The following PARD3B variants were observed in gnomAD, a reference collection of about 807,000 sequenced individuals.
PARD3B encodes par-3 family cell polarity regulator beta.
A neutral mutation model predicts 130.2 loss-of-function variants in PARD3B; 103 were observed. The observed-to-expected ratio is 0.79, with a 90% confidence interval of 0.67 to 0.93. The LOEUF (loss-of-function observed/expected upper bound fraction) is 0.93, where lower values mean the gene tolerates loss of function less well. Among genes scored for constraint, PARD3B ranks in the 40% least tolerant of loss-of-function variants. PARD3B has a pLI of 0.00. For missense variants in PARD3B, 1,609 were observed against 1,499.2 expected (o/e 1.07, Z -1.21); for synonymous variants, 583 against 553.2 (o/e 1.05, Z -0.76).
In PARD3B at chr2:205,276,496, A is replaced by T. The variant is rs1029641288; in HGVS notation, c.2186-24034A>T. Among the ~76,000 whole-genome samples, 6 of 152,202 alleles carry T rather than the reference A, an allele frequency of 3.9e-5. No homozygotes were observed. Among genetic ancestry groups the T allele is most frequent in the African/African-American group, 1.4e-4 (6 of 41,452 alleles). ...TCTGAAAGAATTTAAAAGAAGACAAAGGAGTTGCAGGGAGAAGCAGGTTGG... is the reference window on the plus strand; with the variant it reads ...TCTGAAAGAATTTAAAAGAAGACAATGGAGTTGCAGGGAGAAGCAGGTTGG... On this transcript the variant is annotated intron_variant, in intron 16 of 22. Coordinates refer to ENST00000406610, the MANE Select transcript of PARD3B (RefSeq NM_001302769.2). This position sits in a 1 kb window ranked among gnomAD's most constrained non-coding sequence, Gnocchi z 5.0.
chr2:205,170,218 C>T (rs2035076819), intron 11 of PARD3B, among the ~76,000 whole-genome samples: 2 of 152,212 alleles, frequency 1.3e-5, no homozygotes, highest in African/African-American at 2.4e-5. Flanking sequence ...GTGTGAGCCA[C>T]CGTGCCCAGC....
At chr2:205,474,557 C>G (rs1196068429) in intron 20 of PARD3B, among the ~76,000 whole-genome samples, 1 of 152,112 alleles carries the variant, frequency 6.6e-6, no homozygotes, top group South Asian at 2.1e-4. Context: ...TAACCTTTCC[C>G]TTAATGATGG....
intron 18 of PARD3B, among the ~76,000 whole-genome samples, chr2:205,303,969 T>A (rs2042101613): frequency 6.6e-6 from 1 of 152,192 alleles, no homozygotes. Context: ...TGATGGGAGA[T>A]GATGGTTTAG....
chr2:204,733,579 A>T (rs1278942711), intron 2 of PARD3B, among the ~76,000 whole-genome samples: 1 of 151,944 alleles, frequency 6.6e-6, no homozygotes, highest in African/African-American at 2.4e-5. Flanking sequence ...CTAGAATAGT[A>T]AAAACATTTC....
intron 15 of PARD3B, among the ~76,000 whole-genome samples, chr2:205,198,917 A>T (rs1215861967): frequency 6.6e-6 from 1 of 152,000 alleles, no homozygotes; most frequent in Non-Finnish European, 1.5e-5. Context: ...AATAAGTAGT[A>T]CCTCTGAATA....
intron 2 of PARD3B, among the ~76,000 whole-genome samples, chr2:204,923,986 A>G (rs2047783459): frequency 6.6e-6 from 1 of 152,098 alleles, no homozygotes; most frequent in Admixed American, 6.6e-5. Flanking sequence ...CCTTAGTGAT[A>G]TAGTATTTGA....
At chr2:204,794,042 A>G (rs1386445231) in intron 2 of PARD3B, among the ~76,000 whole-genome samples, 1 of 152,136 alleles carries the variant, frequency 6.6e-6, no homozygotes, top group African/African-American at 2.4e-5. Flanking sequence ...AAAGGAATTT[A>G]TTTGATGCGA....
intron 20 of PARD3B, among the ~76,000 whole-genome samples, chr2:205,464,688 C>G (rs2048562987): frequency 6.6e-6 from 1 of 152,122 alleles, no homozygotes; most frequent in Non-Finnish European, 1.5e-5. Flanking sequence ...TATGGTAGTT[C>G]ATTCAGTTCA....
rs139828750 is a variant in PARD3B at position 205,083,212 on chromosome 2, C to T, written c.505-21214C>T. 1.3e-4 allele frequency among the ~76,000 whole-genome samples: 20 copies of T among 152,062 alleles called. No individual in the cohort carries two copies. In the East Asian group the frequency reaches 3.5e-3, roughly 26 times the overall value. Reference sequence around the variant, plus strand: ...GGGATTACAAGCGTGAGCTACTGTGCCCAGCCAAAATACATCAATTTTTTT... The same window carrying T: ...GGGATTACAAGCGTGAGCTACTGTGTCCAGCCAAAATACATCAATTTTTTT... On this transcript the variant is annotated intron_variant, in intron 4 of 22. Transcript: ENST00000406610.
intron 4 of PARD3B, among the ~76,000 whole-genome samples, chr2:205,073,957 C>T (rs1461235866): frequency 6.6e-6 from 1 of 152,144 alleles, no homozygotes; most frequent in African/African-American, 2.4e-5. Flanking sequence ...ACACATATTC[C>T]TCTTTATCTT....
At chr2:205,213,652 T>G (rs2037762926) in intron 15 of PARD3B, among the ~76,000 whole-genome samples, 1 of 152,126 alleles carries the variant, frequency 6.6e-6, no homozygotes. Context: ...ATTAATGGTT[T>G]GTTTGAGTAG....
chr2:204,803,046 G>T (rs2042629362), intron 2 of PARD3B, among the ~76,000 whole-genome samples: 1 of 147,430 alleles, frequency 6.8e-6, no homozygotes, highest in Non-Finnish European at 1.5e-5. Flanking sequence ...AGAAATGAAA[G>T]AAAATGCAGT....
chr2:204,563,217 G>GTCTGTCTGTCTCTCTCTCTCTC (rs1553541986), intron 1 of PARD3B, among the ~76,000 whole-genome samples: 1 of 86,598 alleles, frequency 1.2e-5, no homozygotes, highest in African/African-American at 4.5e-5. Context: ...TCTTCCCGCT[G>GTCTGTCTGTCTCTCTCTCTCTC]TCTCTCTCTC....
At chr2:205,365,320 A>G (rs2541160) in intron 18 of PARD3B, among the ~76,000 whole-genome samples, 120,684 of 151,306 alleles carry the variant, frequency 0.8, 48,991 homozygotes, top group Admixed American at 0.89. Flanking sequence ...TCAGTGAGCC[A>G]AGATTGCCCA....
chr2:204,698,867 G>A (rs1035831565), intron 2 of PARD3B, among the ~76,000 whole-genome samples: 7 of 151,822 alleles, frequency 4.6e-5, no homozygotes, highest in African/African-American at 1.2e-4. Flanking sequence ...TCAAAATGTC[G>A]CTTCAACTGG....
chr2:205,247,638 TTAAGTGCTATTATAACGTTATTAC>T (rs1463367371), intron 16 of PARD3B, among the ~76,000 whole-genome samples: 32 of 152,346 alleles, frequency 2.1e-4, no homozygotes, highest in African/African-American at 7.0e-4. Flanking sequence ...TTTTATATTT[TTAAGTGCTATTATAACGTTATTAC>T]TACTTCACGT....
chr2:204,944,678 A>G (rs1035684533), intron 2 of PARD3B, among the ~76,000 whole-genome samples: 1 of 152,242 alleles, frequency 6.6e-6, no homozygotes, highest in Admixed American at 6.5e-5. Flanking sequence ...TTAACTTAAA[A>G]ATAGTGAGTT....
In PARD3B at chr2:204,614,176, A is replaced by C. The variant is rs185568066; in HGVS notation, c.120+68057A>C. 3.7e-3 allele frequency among the ~76,000 whole-genome samples: 566 copies of C among 152,304 alleles called. 3 individuals carry two copies. The highest frequency in any genetic ancestry group is 0.013 in the African/African-American group (555 of 41,576). ...TACTGTCCAATAGAAATATAATGCA[A>C]ATCAAAAATACAAGCTACATATGCA... On this transcript the variant is annotated intron_variant, in intron 1 of 22. Transcript: ENST00000406610.
intron 18 of PARD3B, among the ~76,000 whole-genome samples, chr2:205,347,649 A>AT (rs935596653): frequency 7.9e-5 from 12 of 152,174 alleles, no homozygotes; most frequent in Non-Finnish European, 1.5e-4. Context: ...TTAATGAAAG[A>AT]TTTTTTTGTC....
Sources: allele counts gnomAD v4.1 joint callset (sites outside exome capture counted in the v4.1 genomes callset), GRCh38; gene constraint gnomAD v4.1.1; non-coding constraint Gnocchi (gnomAD v3.1); transcripts MANE v1.5; gene names NCBI Gene and HGNC (gene_info 2026-07-23, HGNC 2026-07-21).